The following PDSS2 variants were observed in gnomAD, a reference collection of about 807,000 sequenced individuals.
PDSS2 encodes decaprenyl diphosphate synthase subunit 2.
Under a neutral mutation model 44.5 loss-of-function variants are expected in PDSS2, and 31 were observed. The ratio of observed to expected loss-of-function variants is 0.70; its 90% confidence interval spans 0.52 to 0.94. The LOEUF (loss-of-function observed/expected upper bound fraction) is 0.94, where lower values mean the gene tolerates loss of function less well. Among genes scored for constraint, PDSS2 ranks in the 40% least tolerant of loss-of-function variants. The pLI is 0.00. For synonymous variants in PDSS2, 157 were observed against 180.3 expected, an observed-to-expected ratio of 0.87 and a Z score of 1.03; for missense variants, 452 against 482.2, an observed-to-expected ratio of 0.94 and a Z score of 0.59.
At chr6:107,269,532 T>G (rs1354811979) in intron 3 of PDSS2, among the ~76,000 whole-genome samples, 1 of 152,194 alleles carries the variant, frequency 6.6e-6, no homozygotes, top group South Asian at 2.1e-4. Context: ...AAAATTCTAA[T>G]GGAAGTTTTG....
chr6:107,307,627 A>G (rs1776904313), intron 2 of PDSS2, among the ~76,000 whole-genome samples: 1 of 151,582 alleles, frequency 6.6e-6, no homozygotes, highest in Admixed American at 6.6e-5. Flanking sequence ...AAGTAACCTG[A>G]CCTTTTCCCA....
chr6:107,458,966 G>GT, intron 1 of PDSS2, 24 bp downstream of exon 1: 2 of 1,611,862 alleles, frequency 1.2e-6, no homozygotes, highest in Non-Finnish European at 1.7e-6. Flanking sequence ...GTGCGAGTGT[G>GT]TCAGCGGGAG....
At chr6:107,437,713 T>C (rs1046297422) in intron 1 of PDSS2, among the ~76,000 whole-genome samples, 1 of 151,992 alleles carries the variant, frequency 6.6e-6, no homozygotes, top group East Asian at 2.0e-4. Context: ...CATTCCCCTA[T>C]GCCCCACCTC....
At position 107,163,921 on chromosome 6, in the gene PDSS2, A is replaced by G. The variant is rs145409462; in HGVS notation, c.1042-9144T>C. ...CCCAGCTGATCTTGTTCTTTTTTAA[A>G]TAAACGTGACAACAGATACATTAAG... On this transcript the variant is annotated intron_variant, in intron 7 of 7. Coordinates refer to ENST00000369037, the MANE Select transcript of PDSS2 (RefSeq NM_020381.4). Among the ~76,000 whole-genome samples, 1,428 of 152,238 alleles carry G rather than the reference A, an allele frequency of 9.4e-3. 17 individuals carry two copies. The highest frequency in any genetic ancestry group is 0.032 in the African/African-American group (1,328 of 41,546).
At chr6:107,458,699 C>T (rs926734875) in intron 1 of PDSS2, among the ~76,000 whole-genome samples, 1 of 151,874 alleles carries the variant, frequency 6.6e-6, no homozygotes, top group African/African-American at 2.4e-5. Flanking sequence ...TACATCTCCG[C>T]TCGATTTCTC....
chr6:107,239,834 G>A (rs1774358703), intron 4 of PDSS2, among the ~76,000 whole-genome samples: 1 of 151,756 alleles, frequency 6.6e-6, no homozygotes, highest in Admixed American at 6.6e-5. Flanking sequence ...CAGAGACACG[G>A]TTTCACCATG....
chr6:107,368,545 A>G (rs1779033153), intron 1 of PDSS2, among the ~76,000 whole-genome samples: 1 of 152,146 alleles, frequency 6.6e-6, no homozygotes, highest in Non-Finnish European at 1.5e-5. Flanking sequence ...AAATCCCAGA[A>G]GACTTTTAAC....
rs563713227 is a variant in PDSS2 at position 107,401,412 on chromosome 6, GAA to G, written c.296+57576_296+57577del. ...CATCATCATAGACACACCCTCAAAA[GAA>G]AAAAAAGTCCTACTCCAACAAAAGT... On this transcript the variant is annotated intron_variant, in intron 1 of 7. Transcript: ENST00000369037. Among the ~76,000 whole-genome samples the G allele has an allele frequency of 6.8e-5, 10 of 147,572 alleles. No homozygotes were observed. In the East Asian group the frequency reaches 2.0e-3, roughly 29 times the overall value.
At chr6:107,177,957 T>TTAAG (rs1487495995) in intron 7 of PDSS2, among the ~76,000 whole-genome samples, 3 of 152,182 alleles carry the variant, frequency 2.0e-5, no homozygotes, top group African/African-American at 7.2e-5. Context: ...ATAAACTATG[T>TTAAG]TAAGAGTGAG....
chr6:107,376,602 T>G (rs959611546), intron 1 of PDSS2, among the ~76,000 whole-genome samples: 2 of 152,226 alleles, frequency 1.3e-5, no homozygotes, highest in African/African-American at 4.8e-5. Flanking sequence ...TTTTGTGCAT[T>G]GATTTTGCAT....
At chr6:107,287,858 G>A (rs1285827821) in intron 2 of PDSS2, among the ~76,000 whole-genome samples, 1 of 151,624 alleles carries the variant, frequency 6.6e-6, no homozygotes, top group African/African-American at 2.4e-5. Flanking sequence ...AGATGGGTGA[G>A]GTGGCGTGTG....
intron 7 of PDSS2, among the ~76,000 whole-genome samples, chr6:107,160,342 G>A (rs1419671551): frequency 1.3e-5 from 2 of 151,930 alleles, no homozygotes; most frequent in African/African-American, 2.4e-5. Context: ...AGAAATGAGA[G>A]ATCAACTTTA....
At chr6:107,255,785 G>T (rs1775000044) in intron 3 of PDSS2, among the ~76,000 whole-genome samples, 1 of 152,050 alleles carries the variant, frequency 6.6e-6, no homozygotes, top group Admixed American at 6.5e-5. Context: ...AATTTTTGAT[G>T]CAGTTTAAAC....
intron 4 of PDSS2, among the ~76,000 whole-genome samples, chr6:107,222,411 T>C (rs1336201901): frequency 2.0e-5 from 3 of 152,020 alleles, no homozygotes; most frequent in Non-Finnish European, 4.4e-5. Context: ...TCCCAGCACT[T>C]TGGGAGGCCG....
intron 1 of PDSS2, among the ~76,000 whole-genome samples, chr6:107,432,783 A>G (rs969920989): frequency 3.3e-5 from 5 of 151,870 alleles, no homozygotes; most frequent in Non-Finnish European, 5.9e-5. Context: ...AACAAACAAA[A>G]AAAATCCTCT....
chr6:107,329,206 T>C (rs527683529), intron 2 of PDSS2, among the ~76,000 whole-genome samples: 73 of 152,344 alleles, frequency 4.8e-4, no homozygotes, highest in African/African-American at 1.4e-3. Flanking sequence ...ACTTACAGAA[T>C]GCTTACTATG....
chr6:107,432,071 T>C (rs549879731), intron 1 of PDSS2, among the ~76,000 whole-genome samples: 13 of 152,350 alleles, frequency 8.5e-5, no homozygotes, highest in African/African-American at 2.9e-4. Context: ...TTAGTTAGAA[T>C]TGTGAACTGA....
intron 1 of PDSS2, among the ~76,000 whole-genome samples, chr6:107,452,868 T>C (rs1186007511): frequency 1.3e-5 from 2 of 151,986 alleles, no homozygotes; most frequent in Admixed American, 1.3e-4. Context: ...GGTTTCACCA[T>C]GTTGGTCAGG....
Position 107,459,055 on chromosome 6 carries a change from G to C in PDSS2, c.231C>G (p.Leu77=). Reference sequence around the variant, plus strand: ...TCCGCACCTGCATAGCGATGTTGCTGAGCTCGTCGCTCAGCAGGCAGCGAA... The same window carrying C: ...TCCGCACCTGCATAGCGATGTTGCTCAGCTCGTCGCTCAGCAGGCAGCGAA... ...MSLRCLLSDE[L]SNIAMQVRKL... is the part of the protein sequence containing the mutation. The change falls in exon 1 of 8, where the codon CTC becomes CTG. Residue 77 remains leucine (L), a synonymous_variant. Transcript: ENST00000369037. This position sits in a 1 kb window ranked among gnomAD's most constrained non-coding sequence, Gnocchi z 4.3. The C allele has an allele frequency of 6.2e-7, 1 of 1,614,144 alleles. No individual in the cohort carries two copies. The highest frequency in any genetic ancestry group is 1.1e-5 in the South Asian group (1 of 91,088).
Sources: allele counts gnomAD v4.1 joint callset (sites outside exome capture counted in the v4.1 genomes callset), GRCh38; gene constraint gnomAD v4.1.1; non-coding constraint Gnocchi (gnomAD v3.1); transcripts MANE v1.5; gene names NCBI Gene and HGNC (gene_info 2026-07-23, HGNC 2026-07-21).